Variants in NHSL1 observed in about 807,000 individuals in gnomAD.
NHSL1 encodes the protein NHS-like protein 1.
Under a neutral mutation model 95.0 loss-of-function variants are expected in NHSL1, and 48 were observed. The ratio of observed to expected loss-of-function variants is 0.51; its 90% CI spans 0.40 to 0.64. The LOEUF is 0.64. Ranked by LOEUF, NHSL1 falls within the 30% of genes least tolerant of loss-of-function variation. The pLI, the probability that NHSL1 is intolerant of heterozygous loss-of-function variation, is 0.00. For missense variants in NHSL1, 1,971 were observed against 2,077.7 expected (o/e 0.95, Z 1.00); for synonymous variants, 783 against 833.9 (o/e 0.94, Z 1.05).
chr6:138,441,146 CA>C (rs2128214080), intron 5 of NHSL1, among the ~76,000 whole-genome samples: 1 of 152,248 alleles, frequency 6.6e-6, no homozygotes, highest in Non-Finnish European at 1.5e-5. Context: ...GAAGTAGACT[CA>C]GAGAGACGAA....
At chr6:138,437,391 T>TATATACACATATATATATACAC (rs1776226287) in intron 5 of NHSL1, among the ~76,000 whole-genome samples, 1 of 58,382 alleles carries the variant, frequency 1.7e-5, no homozygotes, top group Non-Finnish European at 3.2e-5. Flanking sequence ...TATATACACA[T>TATATACACATATATATATACAC]ATATATATAT....
chr6:138,650,298 C>T (rs536366610), intron 1 of NHSL1: 91 of 722,292 alleles, frequency 1.3e-4, no homozygotes, highest in Non-Finnish European at 1.8e-4. Flanking sequence ...GCCCTACATA[C>T]TCAGGTACTT....
chr6:138,690,179 T>C (rs1785644869), intron 1 of NHSL1, among the ~76,000 whole-genome samples: 2 of 152,242 alleles, frequency 1.3e-5, no homozygotes, highest in South Asian at 4.1e-4. Flanking sequence ...GAGTATGATA[T>C]TCTGAAGACC....
In NHSL1 at chr6:138,424,616, C is replaced by T; in HGVS notation, c.4286G>A (p.Arg1429His). 1.3e-6 allele frequency: 2 copies of T among 1,551,584 alleles called. No individual in the cohort carries two copies. Among genetic ancestry groups the T allele is most frequent in the East Asian group, 2.4e-5 (1 of 40,890 alleles). The change falls in exon 8 of 8, where the codon CGT becomes CAT. Residue 1429 changes from arginine to histidine, a missense_variant. Transcript: ENST00000343505. The surrounding 1 kb of genome is among the most constrained non-coding windows in gnomAD (Gnocchi z 5.9). ...AGACATGCGGGCGCTGGTGTCTGAA[C>T]GACTGCCCTTTTTCAGCAGCAGAGC... ...FKALLLKKGS[R>H]SDTSARMSAA...
chr6:138,424,025 G>T lies in NHSL1; in HGVS notation c.*56C>A. The T allele has an allele frequency of 7.7e-7, 1 of 1,305,852 alleles. No individual in the cohort carries two copies. The highest frequency in any genetic ancestry group is 9.7e-7 in the Non-Finnish European group (1 of 1,029,932). 80.9% of individuals were successfully genotyped at this position (1,305,852 alleles called of 1,614,324 possible). ...GGAAGGGCGCCTAGCAGGCTTCCTA[G>T]AGTGCTGCATTGCTCGTCTCCCCCC... On this transcript the variant is annotated 3_prime_UTR_variant, in exon 8 of 8. Coordinates refer to ENST00000343505, the MANE Select transcript of NHSL1 (RefSeq NM_001144060.2). The surrounding 1 kb of genome is among the most constrained non-coding windows in gnomAD (Gnocchi z 5.9).
rs1356788640 is a variant in NHSL1, at chr6:138,431,245, TG to T, written c.3099del (p.Asp1033GlufsTer19). The T allele has an allele frequency of 6.6e-7, 1 of 1,514,098 alleles. No individual in the cohort carries two copies. Among genetic ancestry groups the T allele is most frequent in the African/African-American group, 1.4e-5 (1 of 71,724 alleles). 93.8% of individuals were successfully genotyped at this position (1,514,098 alleles called of 1,614,324 possible). A position where few individuals can be genotyped will look rare whatever the true frequency, so the allele number is the denominator to read the frequency against. On this transcript the variant is annotated frameshift_variant, in exon 6 of 8. Transcript: ENST00000343505. LOFTEE classifies it high-confidence loss of function. The surrounding 1 kb of genome is among the most constrained non-coding windows in gnomAD (Gnocchi z 4.0). ...APPLDPKFMK[D>X]TRPPFTNSGQ... is the part of the protein sequence containing the mutation. Reference sequence around the variant, plus strand: ...CCAGAATTTGTGAAAGGCGGCCTGGTGTCTTTCATGAATTTGGGGTCAAGAG... The same window carrying T: ...CCAGAATTTGTGAAAGGCGGCCTGGTTCTTTCATGAATTTGGGGTCAAGAG...
In NHSL1 at chr6:138,430,592, A is replaced by G. The variant is rs1775568816; in HGVS notation, c.3753T>C (p.Ala1251=). 6.5e-7 allele frequency: 1 copy of G among 1,550,272 alleles called. No individual in the cohort carries two copies. Among genetic ancestry groups the G allele is most frequent in the Non-Finnish European group, 8.7e-7 (1 of 1,146,004 alleles). Reference sequence around the variant, plus strand: ...TGCCAGGGTGCGTGGCATGAGAGCCAGCTTGGGCTGCAGAACTCTCTTTTG... The same window carrying G: ...TGCCAGGGTGCGTGGCATGAGAGCCGGCTTGGGCTGCAGAACTCTCTTTTG... ...REAKESSAAQ[A]GSHATHPGTS... Residue 1251 remains alanine (A), a synonymous_variant, in exon 6 of 8, where the codon GCT becomes GCC. Transcript: ENST00000343505. The surrounding 1 kb of genome is among the most constrained non-coding windows in gnomAD (Gnocchi z 4.7).
chr6:138,479,989 G>C (rs1288211684), intron 2 of NHSL1, among the ~76,000 whole-genome samples: 1 of 152,200 alleles, frequency 6.6e-6, no homozygotes, highest in Non-Finnish European at 1.5e-5. Context: ...AACAGAAATT[G>C]AATGCGAAGT....
At chr6:138,478,401 T>C (rs1779221772) in intron 2 of NHSL1, among the ~76,000 whole-genome samples, 1 of 152,192 alleles carries the variant, frequency 6.6e-6, no homozygotes, top group Non-Finnish European at 1.5e-5. Flanking sequence ...TTTGCTCTTA[T>C]CACATTTCTG....
chr6:138,592,709 G>A (rs1016551718), intron 1 of NHSL1, among the ~76,000 whole-genome samples: 1 of 152,138 alleles, frequency 6.6e-6, no homozygotes, highest in African/African-American at 2.4e-5. Flanking sequence ...TGCCCTTAAG[G>A]AAAAAGGTGT....
chr6:138,596,741 G>A lies in NHSL1; in HGVS notation c.96+95735C>T, dbSNP rs542871661. On this transcript the variant is annotated intron_variant, in intron 1 of 3. Coordinates refer to the NHSL1 transcript ENST00000491526. ...TGGTAAGTTTTTTAAGTTCACGTCCGTTTCTCACCCACATTCAATTGGCGG... is the reference window on the plus strand; with the variant it reads ...TGGTAAGTTTTTTAAGTTCACGTCCATTTCTCACCCACATTCAATTGGCGG... 8.7e-4 allele frequency among the ~76,000 whole-genome samples: 132 copies of A among 151,376 alleles called. 2 individuals carry two copies. The highest frequency in any genetic ancestry group is 3.2e-3 in the African/African-American group (131 of 41,226).
At chr6:138,500,896 A>G (rs2128291105), upstream of NHSL1, among the ~76,000 whole-genome samples, 1 of 152,380 alleles carries the variant, frequency 6.6e-6, no homozygotes, top group Non-Finnish European at 1.5e-5. Context: ...TTTTATATAT[A>G]GCTTTATTTT....
At chr6:138,616,466 A>G (rs1784579175) in intron 1 of NHSL1, among the ~76,000 whole-genome samples, 1 of 152,130 alleles carries the variant, frequency 6.6e-6, no homozygotes, top group Non-Finnish European at 1.5e-5. Context: ...GGATGGTGGT[A>G]GGAACAAGTA....
At chr6:138,437,403 T>TATATATAA in intron 5 of NHSL1, among the ~76,000 whole-genome samples, 1 of 56,488 alleles carries the variant, frequency 1.8e-5, no homozygotes, top group African/African-American at 8.4e-5. Flanking sequence ...TATATATATA[T>TATATATAA]ACACACATAT....
intron 1 of NHSL1, among the ~76,000 whole-genome samples, chr6:138,662,979 C>T (rs1163462398): frequency 6.9e-6 from 1 of 145,048 alleles, no homozygotes; most frequent in African/African-American, 2.6e-5. Flanking sequence ...GACCCAGGAA[C>T]TCTACTTTTA....
At chr6:138,544,983 CTTTTTTT>C (rs35979187) in intron 1 of NHSL1, among the ~76,000 whole-genome samples, 2 of 83,392 alleles carry the variant, frequency 2.4e-5, no homozygotes, top group Non-Finnish European at 4.6e-5. Context: ...TCTTTCTTTT[CTTTTTTT>C]TTTTTTTTTT....
chr6:138,465,724 CTTTTTTT>C (rs61271607), intron 3 of NHSL1, among the ~76,000 whole-genome samples: 2 of 132,832 alleles, frequency 1.5e-5, no homozygotes, highest in African/African-American at 5.5e-5. Flanking sequence ...TTTTTCTTTT[CTTTTTTT>C]TTTTTTTTTT....
chr6:138,561,785 C>G (rs1783420822), intron 1 of NHSL1, among the ~76,000 whole-genome samples: 1 of 152,170 alleles, frequency 6.6e-6, no homozygotes, highest in Non-Finnish European at 1.5e-5. Context: ...ACTTGGCCAA[C>G]AAATCCTCCC....
In NHSL1 at chr6:138,431,850, A is replaced by T; in HGVS notation, c.2495T>A (p.Val832Asp). 1 of 1,551,584 alleles carries T rather than the reference A, an allele frequency of 6.4e-7. No individual in the cohort carries two copies. Among genetic ancestry groups the T allele is most frequent in the African/African-American group, 1.4e-5 (1 of 73,112 alleles). ...CTCTGGTGACATGATCTTTGGTTTG[A>T]CTGAACCACCGGGCACTTGGGGCAT... ...ATMPQVPGGS[V>D]KPKIMSPEKS... is the part of the protein sequence containing the mutation. Residue 832 changes from valine to aspartate, a missense_variant, in exon 6 of 8, where the codon GTC becomes GAC. Physicochemically the swap from Val to Asp is radical, Grantham distance 152. Around this residue, in one of 3 missense-constraint regions of NHSL1, gnomAD observed 1,602 missense variants for 1,654.5 expected, o/e 0.97. Coordinates refer to ENST00000343505, the MANE Select transcript of NHSL1 (RefSeq NM_001144060.2). The surrounding 1 kb of genome is among the most constrained non-coding windows in gnomAD (Gnocchi z 4.0).
Sources: allele counts gnomAD v4.1 joint callset (sites outside exome capture counted in the v4.1 genomes callset), GRCh38; gene constraint gnomAD v4.1.1; regional missense constraint gnomAD v4.1.1; non-coding constraint Gnocchi (gnomAD v3.1); transcripts MANE v1.5; gene names NCBI Gene and HGNC (gene_info 2026-07-23, HGNC 2026-07-21).